ACOT12: variants seen among roughly 807,000 people sequenced by gnomAD.
The protein encoded by ACOT12 is acyl-CoA thioesterase 12.
ACOT12 carries 51 observed loss-of-function variants against 67.7 expected under a neutral mutation model. The observed-to-expected ratio is 0.75, with a 90% confidence interval of 0.60 to 0.95. The LOEUF is 0.95. Ranked by LOEUF, ACOT12 falls within the 40% of genes least tolerant of loss-of-function variation. The pLI is 0.00. For missense variants in ACOT12, 734 were observed against 708.1 expected (o/e 1.04, Z -0.41); for synonymous variants, 251 against 244.6 (o/e 1.03, Z -0.24).
intron 1 of ACOT12, 136 bp from the exon 2 acceptor site, chr5:81,385,962 C>CT (rs1760715988): frequency 5.5e-6 from 4 of 726,554 alleles, no homozygotes; most frequent in Non-Finnish European, 9.2e-6. Flanking sequence ...TGTGCCTACA[C>CT]TTTCTGGATC....
At chr5:81,352,418 T>C (rs760597564) in intron 5 of ACOT12, among the ~76,000 whole-genome samples, 31 of 152,278 alleles carry the variant, frequency 2.0e-4, no homozygotes, top group Middle Eastern at 3.4e-3. Flanking sequence ...CAGAATACTA[T>C]TCAGCCATAA....
At chr5:81,326,429 T>A (rs1388184913), downstream of ACOT12, among the ~76,000 whole-genome samples, 1 of 151,890 alleles carries the variant, frequency 6.6e-6, no homozygotes, top group Admixed American at 6.6e-5. Flanking sequence ...TGGCCAAGAG[T>A]CTTAATATTA....
intron 1 of ACOT12, among the ~76,000 whole-genome samples, chr5:81,392,418 A>G (rs1257140153): frequency 6.6e-6 from 1 of 152,196 alleles, no homozygotes; most frequent in Admixed American, 6.5e-5. Flanking sequence ...TAACATTATC[A>G]GTTATTAATA....
At chr5:81,360,174 A>C (rs1223275760) in intron 4 of ACOT12, 136 bp from the exon 5 acceptor site, 2 of 769,222 alleles carry the variant, frequency 2.6e-6, no homozygotes, top group Admixed American at 3.7e-5. Flanking sequence ...TTTTCACTAA[A>C]CATGTTATGA....
chr5:81,308,919 C>CTGAA, the ACOT12 span: 4 of 1,591,234 alleles, frequency 2.5e-6, no homozygotes, highest in Non-Finnish European at 3.4e-6. Context: ...GTATTGTCAA[C>CTGAA]TGAATAGGAA....
At chr5:81,359,875 T>C (rs767359395) in intron 5 of ACOT12, 28 bp downstream of exon 5, 1 of 1,589,962 alleles carries the variant, frequency 6.3e-7, no homozygotes, top group East Asian at 2.2e-5. Context: ...GTTATAGAAT[T>C]AAAATTCTTA....
Position 81,330,328 on chromosome 5 carries a change from G to A in ACOT12, c.*66C>T, listed in dbSNP as rs1352483178. 2.6e-6 allele frequency: 4 copies of A among 1,516,070 alleles called. No homozygotes were observed. The highest frequency in any genetic ancestry group is 4.5e-5 in the East Asian group (2 of 43,958). 93.9% of individuals were successfully genotyped at this position (1,516,070 alleles called of 1,614,324 possible). ...TTTGTGGCCCCAAAGCTTGACAGAT[G>A]TCAGGGCTAAGGGTGCTTGGAATTA... On this transcript the variant is annotated 3_prime_UTR_variant, in exon 15 of 15. Coordinates refer to ENST00000307624, the MANE Select transcript of ACOT12 (RefSeq NM_130767.3).
chr5:81,349,330 C>T (rs576073010), intron 5 of ACOT12, among the ~76,000 whole-genome samples: 1 of 152,288 alleles, frequency 6.6e-6, no homozygotes, highest in African/African-American at 2.4e-5. Flanking sequence ...GTATAAAACC[C>T]CAAATCCTTC....
At chr5:81,312,874 T>C in the ACOT12 span, 3 of 361,034 alleles carry the variant, frequency 8.3e-6, no homozygotes, top group East Asian at 1.3e-4. Context: ...ATAAGATGAT[T>C]AAATGAATTC....
chr5:81,313,565 G>T, the ACOT12 span, among the ~76,000 whole-genome samples: 58 of 152,230 alleles, frequency 3.8e-4, no homozygotes, highest in African/African-American at 1.4e-3. Context: ...TTGATTTGAT[G>T]AATTCATGCA....
chr5:81,346,269 C>T (rs1293669967), intron 6 of ACOT12, among the ~76,000 whole-genome samples: 1 of 152,136 alleles, frequency 6.6e-6, no homozygotes, highest in African/African-American at 2.4e-5. Context: ...CTGTGGAAGT[C>T]CCTTGGAACA....
At chr5:81,358,648 G>C (rs1419618207) in intron 5 of ACOT12, among the ~76,000 whole-genome samples, 2 of 152,120 alleles carry the variant, frequency 1.3e-5, no homozygotes, top group African/African-American at 4.8e-5. Context: ...TTGGGAGTTC[G>C]AGACCAGCCT....
At chr5:81,367,409 A>G (rs1760113312) in intron 3 of ACOT12, among the ~76,000 whole-genome samples, 1 of 152,242 alleles carries the variant, frequency 6.6e-6, no homozygotes, top group African/African-American at 2.4e-5. Flanking sequence ...AGGCATGACA[A>G]TAACGGCACA....
At chr5:81,391,392 C>T (rs1341314215) in intron 1 of ACOT12, among the ~76,000 whole-genome samples, 1 of 152,176 alleles carries the variant, frequency 6.6e-6, no homozygotes, top group Non-Finnish European at 1.5e-5. Context: ...AAAACAAACA[C>T]AGAAAAAGCC....
At chr5:81,381,365 G>A (rs542907639) in intron 2 of ACOT12, among the ~76,000 whole-genome samples, 20 of 152,136 alleles carry the variant, frequency 1.3e-4, no homozygotes, top group African/African-American at 3.6e-4. Flanking sequence ...CCCTGCACCC[G>A]GCCAGTATTA....
At chr5:81,381,349 G>T (rs952557518) in intron 2 of ACOT12, among the ~76,000 whole-genome samples, 1 of 152,082 alleles carries the variant, frequency 6.6e-6, no homozygotes, top group Non-Finnish European at 1.5e-5. Flanking sequence ...GATTACAGGC[G>T]TGAGCCCCTG....
At chr5:81,345,787 T>A (rs1176122118) in intron 7 of ACOT12, 98 bp downstream of exon 7, 5 of 1,482,240 alleles carry the variant, frequency 3.4e-6, no homozygotes, top group Non-Finnish European at 3.7e-6. Flanking sequence ...AAATGGAATT[T>A]CACTAAAGTA....
At chr5:81,311,611 A>T in the ACOT12 span, among the ~76,000 whole-genome samples, 2 of 152,228 alleles carry the variant, frequency 1.3e-5, no homozygotes, top group Non-Finnish European at 2.9e-5. Context: ...CTGAGAAAAT[A>T]AAAAATATGA....
chr5:81,375,446 G>T (rs1247308942), intron 2 of ACOT12, among the ~76,000 whole-genome samples: 2 of 152,044 alleles, frequency 1.3e-5, no homozygotes, highest in Admixed American at 6.5e-5. Context: ...ACAGGCAAAA[G>T]AATCAGCTAG....
Sources: gnomAD v4.1 joint callset for allele counts (sites outside exome capture counted in the v4.1 genomes callset) on GRCh38, gnomAD v4.1.1 for gene constraint, MANE v1.5 for transcripts, NCBI Gene and HGNC (gene_info 2026-07-23, HGNC 2026-07-21) for gene names.